Variants in GAL3ST4 observed in about 807,000 individuals in gnomAD.
GAL3ST4 encodes beta-galactose-3-O-sulfotransferase 4.
A neutral mutation model predicts 31.6 loss-of-function variants in GAL3ST4; 30 were observed. The observed-to-expected ratio is 0.95, with a 90% CI of 0.71 to 1.29. GAL3ST4 has a LOEUF of 1.29. Among genes scored for constraint, GAL3ST4 ranks in the 50% most tolerant of loss-of-function variants. The pLI is 0.00. For synonymous variants in GAL3ST4, 248 were observed against 256.9 expected (o/e 0.97, Z 0.33); for missense variants, 629 against 625.2 (o/e 1.01, Z -0.06).
In GAL3ST4 at chr7:100,160,585, A is replaced by G. The variant is rs770256883; in HGVS notation, c.804T>C (p.Asp268=). The stretch of plus-strand genomic sequence containing the variant: ...CAGGGCTTGATATCTGGCTGCGATG[A>G]TCAGTAACAGTGGAAACAGGATGGA... ...ALIHPVSTVT[D]HRSQISSPAS... Residue 268 remains aspartate, a synonymous_variant, in exon 4 of 4, where the codon GAT becomes GAC. Transcript: ENST00000360039. 5 of 1,613,796 alleles carry G rather than the reference A, an allele frequency of 3.1e-6. No individual in the cohort carries two copies. In the East Asian group the frequency reaches 1.1e-4, roughly 36 times the overall value.
At position 100,159,981 on chromosome 7, in the gene GAL3ST4, A is replaced by C. The variant is rs776603412; in HGVS notation, c.1408T>G (p.Phe470Val). The stretch of plus-strand genomic sequence containing the variant: ...AGGGGCAGTGAGACGGTAGGGGGGA[A>C]CTGCTTGGCATCCAGCTTGTCCTTG... ...QYKDKLDAKQ[F>V]PPTVSLPLKT... is the part of the protein sequence containing the mutation. The change falls in exon 4 of 4, where the codon TTC (phenylalanine) becomes GTC (valine). Residue 470 changes from phenylalanine to valine, a missense_variant. Transcript: ENST00000360039. 1.2e-6 allele frequency: 2 copies of C among 1,613,732 alleles called. No homozygotes were observed. The highest frequency in any genetic ancestry group is 1.7e-5 in the Admixed American group (1 of 59,950).
intron 3 of GAL3ST4, among the ~76,000 whole-genome samples, chr7:100,165,842 C>T (rs912243028): frequency 1.3e-5 from 2 of 151,084 alleles, no homozygotes; most frequent in Admixed American, 6.6e-5. Flanking sequence ...CACACACACA[C>T]ACACACACAC....
chr7:100,162,857 G>A (rs1204143625), intron 3 of GAL3ST4, among the ~76,000 whole-genome samples: 9 of 151,810 alleles, frequency 5.9e-5, no homozygotes, highest in South Asian at 2.1e-4. Context: ...TTAAAGGGGA[G>A]GGGAGGGGAG....
In GAL3ST4 at chr7:100,167,278, C is replaced by G. The variant is rs1193941179; in HGVS notation, c.-183G>C. 1 of 1,427,324 alleles carries G rather than the reference C, an allele frequency of 7.0e-7. No homozygotes were observed. Among genetic ancestry groups the G allele is most frequent in the Admixed American group, 2.5e-5 (1 of 39,780 alleles). The allele number at this position is 1,427,324 out of a possible 1,614,324, so 88.4% of individuals were successfully genotyped here. On this transcript the variant is annotated 5_prime_UTR_variant, in exon 2 of 4. Coordinates refer to ENST00000360039, the MANE Select transcript of GAL3ST4 (RefSeq NM_024637.5). The stretch of plus-strand genomic sequence containing the variant: ...TGAGTTAGCAGATTTTTGCCTCTGT[C>G]AGCGTCTAGAAGGGAAATGAGGGGG...
Position 100,159,741 on chromosome 7 carries a change from G to T in GAL3ST4, c.*187C>A. The T allele has an allele frequency of 1.8e-6, 1 of 561,930 alleles. No individual in the cohort carries two copies. The highest frequency in any genetic ancestry group is 3.1e-6 in the Non-Finnish European group (1 of 324,414). 34.8% of individuals were successfully genotyped at this position (561,930 alleles called of 1,614,324 possible). ...TTTCAAAAAAAAAAAAAGTTGGGGG[G>T]AAAGAACAAAATGAGTGGAGGGTGG... On this transcript the variant is annotated 3_prime_UTR_variant, in exon 4 of 4. Coordinates refer to ENST00000360039, the MANE Select transcript of GAL3ST4 (RefSeq NM_024637.5).
Position 100,159,905 on chromosome 7 carries a change from C to T in GAL3ST4, c.*23G>A. ...TGCCCTTCAAACATGGCTGCTCTTC[C>T]ACCTAAATCTGTAGTCTGATGTTTA... On this transcript the variant is annotated 3_prime_UTR_variant, in exon 4 of 4. Coordinates refer to ENST00000360039, the MANE Select transcript of GAL3ST4 (RefSeq NM_024637.5). 1 of 1,558,684 alleles carries T rather than the reference C, an allele frequency of 6.4e-7. No homozygotes were observed.
At position 100,166,595 on chromosome 7, in the gene GAL3ST4, C is replaced by T; in HGVS notation, c.336G>A (p.Gln112=). The change falls in exon 3 of 4, where the codon CAG becomes CAA. Residue 112 remains glutamine, a synonymous_variant. Transcript: ENST00000360039. ...GGCGGTAGCCTTTTACCCTAGAGGC[C>T]TGGAAGAGCTTTGGGTAGCCAAACT... ...RYQFGYPKLF[Q]ASRVKGYRPQ... The T allele has an allele frequency of 1.9e-5, 31 of 1,614,208 alleles. No individual in the cohort carries two copies. The highest frequency in any genetic ancestry group is 2.6e-5 in the Non-Finnish European group (31 of 1,180,034).
At chr7:100,161,325 G>A (rs1799000999) in intron 3 of GAL3ST4, among the ~76,000 whole-genome samples, 1 of 151,704 alleles carries the variant, frequency 6.6e-6, no homozygotes, top group Admixed American at 6.6e-5. Flanking sequence ...GCCAGCCTGG[G>A]CAACATAGCG....
chr7:100,166,983 G>C lies in GAL3ST4; in HGVS notation c.113C>G (p.Pro38Arg). The C allele has an allele frequency of 6.3e-7, 1 of 1,590,414 alleles. No homozygotes were observed. ...AGTGGGAACTCACCTCCTCTGGAAG[G>C]GCCCTCCCAAGAGCTGGAGTGCAAA... is the stretch of plus-strand genomic sequence containing the variant. ...IGFALQLLGGPFQRRLPGLQL... is the reference protein window; with the variant it reads ...IGFALQLLGGRFQRRLPGLQL... The change falls in exon 2 of 4, where the codon CCC becomes CGC. Residue 38 changes from proline (P) to arginine (R), a missense_variant. Coordinates refer to ENST00000360039, the MANE Select transcript of GAL3ST4 (RefSeq NM_024637.5).
At chr7:100,166,284 C>T (rs1004590565) in intron 3 of GAL3ST4, among the ~76,000 whole-genome samples, 2 of 152,118 alleles carry the variant, frequency 1.3e-5, no homozygotes, top group Admixed American at 6.5e-5. Flanking sequence ...CTGGAGTAAG[C>T]GCCAGAGAGA....
In GAL3ST4 at chr7:100,160,672, C is replaced by CT. The variant is rs1402388378; in HGVS notation, c.716dup (p.Leu240AlafsTer29). 3 of 1,613,902 alleles carry CT rather than the reference C, an allele frequency of 1.9e-6. No individual in the cohort carries two copies. Among genetic ancestry groups the CT allele is most frequent in the East Asian group, 4.5e-5 (2 of 44,886 alleles). On this transcript the variant is annotated frameshift_variant, in exon 4 of 4. Coordinates refer to ENST00000360039, the MANE Select transcript of GAL3ST4 (RefSeq NM_024637.5). LOFTEE classifies it high-confidence loss of function. ...CAGCACCAGAAGGCAAGACCTGCAG[C>CT]TGTGGGGGGTTGGGGTCTCTGGGGG...
chr7:100,167,219 A>G lies in GAL3ST4; in HGVS notation c.-124T>C. The G allele has an allele frequency of 1.3e-6, 2 of 1,533,500 alleles. No individual in the cohort carries two copies. Among genetic ancestry groups the G allele is most frequent in the Non-Finnish European group, 1.8e-6 (2 of 1,137,742 alleles). 95.0% of individuals were successfully genotyped at this position (1,533,500 alleles called of 1,614,324 possible). On this transcript the variant is annotated 5_prime_UTR_variant, in exon 2 of 4. Coordinates refer to ENST00000360039, the MANE Select transcript of GAL3ST4 (RefSeq NM_024637.5). Reference sequence around the variant, plus strand: ...GTTGGAGATCGGGGGGTCATTCCCCAGGCCTGCTCACAGTCTTGGTTGAGT... The same window carrying G: ...GTTGGAGATCGGGGGGTCATTCCCCGGGCCTGCTCACAGTCTTGGTTGAGT...
rs74883328 is a variant in GAL3ST4 at position 100,159,524 on chromosome 7, A to G, written c.*404T>C. ...GATCACCTGAGGTGAGGAGTTCAAG[A>G]CCAGCCTAACCAACATGTTGAATCC... On this transcript the variant is annotated 3_prime_UTR_variant, in exon 4 of 4. Transcript: ENST00000360039. 564 of 170,998 alleles carry G rather than the reference A, an allele frequency of 3.3e-3. 20 individuals carry two copies. The East Asian group carries it at 0.084, about 26-fold the overall frequency. The allele number at this position is 170,998 out of a possible 1,614,324, so 10.6% of individuals were successfully genotyped here.
At chr7:100,161,770 A>G (rs756814314) in intron 3 of GAL3ST4, among the ~76,000 whole-genome samples, 3 of 152,202 alleles carry the variant, frequency 2.0e-5, no homozygotes, top group Non-Finnish European at 4.4e-5. Context: ...AGAATGAGAT[A>G]ATGTCCTTTG....
chr7:100,166,673 A>G lies in GAL3ST4; in HGVS notation c.258T>C (p.Leu86=). 1 of 1,614,208 alleles carries G rather than the reference A, an allele frequency of 6.2e-7. No individual in the cohort carries two copies. The highest frequency in any genetic ancestry group is 1.3e-5 in the African/African-American group (1 of 75,050). Residue 86 remains leucine, a synonymous_variant, in exon 3 of 4, where the codon CTT becomes CTC. Coordinates refer to ENST00000360039, the MANE Select transcript of GAL3ST4 (RefSeq NM_024637.5). The part of the protein sequence containing the change: ...KSGSSSVLSL[L]HRYGDQHGLR... ...GCCCGTGCTGGTCCCCATAGCGGTG[A>G]AGCAGGCTCAGCACAGAGCTGCTCC...
chr7:100,166,119 G>A (rs1486901971), intron 3 of GAL3ST4, among the ~76,000 whole-genome samples: 2 of 152,136 alleles, frequency 1.3e-5, no homozygotes, highest in Non-Finnish European at 2.9e-5. Context: ...AGCTATGATT[G>A]TGCCACTGCA....
intron 3 of GAL3ST4, among the ~76,000 whole-genome samples, chr7:100,161,384 C>T (rs140810237): frequency 0.014 from 2,190 of 152,192 alleles, 42 homozygotes; most frequent in African/African-American, 0.046. Flanking sequence ...CATGGTGGCT[C>T]AAGCCTGTAA....
chr7:100,163,457 TAGCA>T lies in GAL3ST4; in HGVS notation c.430-2502_430-2499del, dbSNP rs534475957. Among the ~76,000 whole-genome samples the T allele has an allele frequency of 3.6e-4, 55 of 150,834 alleles. 2 individuals are homozygous for T. In the East Asian group the frequency reaches 0.01, roughly 29 times the overall value. On this transcript the variant is annotated intron_variant, in intron 3 of 3. Transcript: ENST00000360039. ...GCTCTGCAAGTATGGCACACCTGAA[TAGCA>T]GCCTGTGAACTCTCTTTTTTTTTTT...
rs1799077618 is a variant in GAL3ST4, at chr7:100,166,593, G to A, written c.338C>T (p.Ala113Val). ...TGGGCGGTAGCCTTTTACCCTAGAGGCCTGGAAGAGCTTTGGGTAGCCAAA... is the reference window on the plus strand; with the variant it reads ...TGGGCGGTAGCCTTTTACCCTAGAGACCTGGAAGAGCTTTGGGTAGCCAAA... ...YQFGYPKLFQASRVKGYRPQG... is the reference protein window; with the variant it reads ...YQFGYPKLFQVSRVKGYRPQG... Residue 113 changes from alanine to valine, a missense_variant, in exon 3 of 4, where the codon GCC becomes GTC. Physicochemically the swap from Ala to Val is moderately conservative, Grantham distance 64. Coordinates refer to ENST00000360039, the MANE Select transcript of GAL3ST4 (RefSeq NM_024637.5). The A allele has an allele frequency of 6.2e-7, 1 of 1,614,212 alleles. No individual in the cohort carries two copies. Among genetic ancestry groups the A allele is most frequent in the African/African-American group, 1.3e-5 (1 of 75,052 alleles).
Sources: gnomAD v4.1 joint callset for allele counts (sites outside exome capture counted in the v4.1 genomes callset) on GRCh38, gnomAD v4.1.1 for gene constraint, MANE v1.5 for transcripts, NCBI Gene and HGNC (gene_info 2026-07-23, HGNC 2026-07-21) for gene names.